PRKG1: variants seen among roughly 807,000 people sequenced by gnomAD.
PRKG1 encodes the protein protein kinase cGMP-dependent 1.
A neutral mutation model predicts 88.1 loss-of-function variants in PRKG1; 35 were observed. The observed-to-expected ratio is 0.40, with a 90% CI of 0.30 to 0.53. PRKG1 has a LOEUF of 0.53. PRKG1 is among the 20% of genes least tolerant of loss of function. The probability of loss-of-function intolerance (pLI) is 0.59; values close to 1 mark genes in which losing one functional copy is unlikely to be tolerated. For synonymous variants in PRKG1, 303 were observed against 292.5 expected (o/e 1.04, Z -0.37); for missense variants, 540 against 839.8 (o/e 0.64, Z 4.41).
rs140856344 is a variant in PRKG1 at position 50,997,532 on chromosome 10, C to T, written c.266+5888C>T. Among the ~76,000 whole-genome samples the T allele has an allele frequency of 3.3e-3, 505 of 152,240 alleles. 2 individuals carry two copies. Among genetic ancestry groups the T allele is most frequent in the African/African-American group, 0.012 (490 of 41,562 alleles). On this transcript the variant is annotated intron_variant, in intron 1 of 17. Coordinates refer to the PRKG1 transcript ENST00000401604. ...TAACATGTAAGAGATGCTGAGAGTG[C>T]GTTAAAACCTTTTCTTTTGATAAGA...
chr10:50,993,880 A>G (rs1386595704), intron 1 of PRKG1, among the ~76,000 whole-genome samples: 1 of 152,208 alleles, frequency 6.6e-6, no homozygotes, highest in Admixed American at 6.5e-5. Flanking sequence ...TTGGGTATGC[A>G]CACATCATCC....
At chr10:51,773,932 G>C (rs1371376464) in intron 3 of PRKG1, among the ~76,000 whole-genome samples, 1 of 152,020 alleles carries the variant, frequency 6.6e-6, no homozygotes, top group East Asian at 1.9e-4. Flanking sequence ...CCCAGTTAAA[G>C]AATTTCTATA....
chr10:51,013,896 T>C (rs148775313), intron 1 of PRKG1, among the ~76,000 whole-genome samples: 4 of 152,184 alleles, frequency 2.6e-5, no homozygotes, highest in Non-Finnish European at 4.4e-5. Flanking sequence ...TGAGCACTAT[T>C]TGTTTTAAAT....
intron 8 of PRKG1, among the ~76,000 whole-genome samples, chr10:52,154,740 A>G (rs2132674085): frequency 6.6e-6 from 1 of 152,202 alleles, no homozygotes; most frequent in Non-Finnish European, 1.5e-5. Flanking sequence ...TGGTGCACCC[A>G]TCACCCTAAT....
Position 50,991,682 on chromosome 10 carries a change from G to A in PRKG1, c.266+38G>A, listed in dbSNP as rs1842784074. ...GCCGTGGGCCCGGGCGCTCGTCCCG[G>A]CCCGCGGCGCAGAGGCTGGGGGCTC... On this transcript the variant is annotated intron_variant, in intron 1 of 17. Transcript: ENST00000401604. This position sits in a 1 kb window ranked among gnomAD's most constrained non-coding sequence, Gnocchi z 4.5. 6 of 1,393,688 alleles carry A rather than the reference G, an allele frequency of 4.3e-6. No individual in the cohort carries two copies. Among genetic ancestry groups the A allele is most frequent in the Non-Finnish European group, 5.6e-6 (6 of 1,067,756 alleles). 86.3% of individuals were successfully genotyped at this position (1,393,688 alleles called of 1,614,324 possible).
At chr10:51,967,457 G>C (rs1049260474) in intron 5 of PRKG1, among the ~76,000 whole-genome samples, 12 of 151,966 alleles carry the variant, frequency 7.9e-5, no homozygotes, top group African/African-American at 2.4e-4. Context: ...TATACCTAAT[G>C]TATACGACGT....
At chr10:51,621,096 A>G (rs767458867) in intron 3 of PRKG1, among the ~76,000 whole-genome samples, 7 of 148,624 alleles carry the variant, frequency 4.7e-5, no homozygotes, top group Non-Finnish European at 8.9e-5. Context: ...ACTGACATAT[A>G]TGTGTGTGTG....
intron 4 of PRKG1, among the ~76,000 whole-genome samples, chr10:51,839,737 G>A (rs569662584): frequency 1.3e-5 from 2 of 152,232 alleles, no homozygotes; most frequent in South Asian, 4.2e-4. Context: ...GCCTTCCTAT[G>A]GAGGTCGTTC....
chr10:52,177,337 T>G (rs893983063), intron 9 of PRKG1, among the ~76,000 whole-genome samples: 2 of 152,158 alleles, frequency 1.3e-5, no homozygotes, highest in African/African-American at 4.8e-5. Context: ...AAACCATCCT[T>G]GCATTTCTGG....
chr10:51,139,262 G>A (rs886208100), intron 1 of PRKG1, among the ~76,000 whole-genome samples: 6 of 152,148 alleles, frequency 3.9e-5, no homozygotes, highest in Non-Finnish European at 8.8e-5. Flanking sequence ...ACAGTGGAGA[G>A]CAGTGTTTAT....
intron 3 of PRKG1, among the ~76,000 whole-genome samples, chr10:51,591,659 T>C (rs1043376556): frequency 1.3e-5 from 2 of 152,144 alleles, no homozygotes; most frequent in African/African-American, 4.8e-5. Context: ...TGGGGGTTGT[T>C]AAAAAAGCAT....
intron 13 of PRKG1, among the ~76,000 whole-genome samples, chr10:52,281,267 G>A (rs554597425): frequency 3.0e-4 from 46 of 152,006 alleles, no homozygotes; most frequent in African/African-American, 1.1e-3. Flanking sequence ...TTTATATTAT[G>A]GAAAACCATA....
intron 3 of PRKG1, among the ~76,000 whole-genome samples, chr10:51,646,293 A>G (rs1839913462): frequency 6.6e-6 from 1 of 152,146 alleles, no homozygotes; most frequent in South Asian, 2.1e-4. Flanking sequence ...TTATAATAAT[A>G]TATACCTCTG....
intron 2 of PRKG1, among the ~76,000 whole-genome samples, chr10:51,195,661 A>G (rs923944986): frequency 6.6e-6 from 1 of 152,224 alleles, no homozygotes; most frequent in African/African-American, 2.4e-5. Flanking sequence ...AGGAAAACAG[A>G]TGATATCTTA....
intron 3 of PRKG1, among the ~76,000 whole-genome samples, chr10:51,565,073 G>C (rs1298324070): frequency 6.6e-6 from 1 of 152,062 alleles, no homozygotes; most frequent in Admixed American, 6.6e-5. Context: ...CTCAGAGAGT[G>C]AATAGTACTC....
At chr10:51,961,446 A>G (rs1843446424) in intron 5 of PRKG1, among the ~76,000 whole-genome samples, 1 of 152,254 alleles carries the variant, frequency 6.6e-6, no homozygotes, top group Non-Finnish European at 1.5e-5. Flanking sequence ...TGCTCGAGTC[A>G]ACTGTGCAAA....
chr10:51,431,905 T>C (rs1392084960), intron 2 of PRKG1, among the ~76,000 whole-genome samples: 1 of 152,166 alleles, frequency 6.6e-6, no homozygotes, highest in Admixed American at 6.6e-5. Flanking sequence ...CCTGCCCACA[T>C]GTTTTTACCA....
At chr10:51,454,050 A>T (rs1465643589) in intron 2 of PRKG1, among the ~76,000 whole-genome samples, 1 of 152,084 alleles carries the variant, frequency 6.6e-6, no homozygotes, top group Admixed American at 6.6e-5. Context: ...GAGGTGAAAG[A>T]TCTCTGCAAA....
chr10:51,531,194 G>T (rs1171732522), intron 3 of PRKG1, among the ~76,000 whole-genome samples: 1 of 152,082 alleles, frequency 6.6e-6, no homozygotes, highest in Non-Finnish European at 1.5e-5. Context: ...TCCTATTATA[G>T]CCCTCAATGG....
Sources: gnomAD v4.1 joint callset for allele counts (sites outside exome capture counted in the v4.1 genomes callset) on GRCh38, gnomAD v4.1.1 for gene constraint, Gnocchi (gnomAD v3.1) non-coding constraint, MANE v1.5 for transcripts, NCBI Gene and HGNC (gene_info 2026-07-23, HGNC 2026-07-21) for gene names.